The following ASCC3 variants were observed in gnomAD, a reference collection of about 807,000 sequenced individuals.
ASCC3 encodes the protein activating signal cointegrator 1 complex subunit 3, also known as ASC-1 complex subunit P200.
A neutral mutation model predicts 256.3 loss-of-function variants in ASCC3; 158 were observed. The ratio of observed to expected loss-of-function variants is 0.62; its 90% CI spans 0.54 to 0.70. The LOEUF is 0.70. Ranked by LOEUF, ASCC3 falls within the 30% of genes least tolerant of loss-of-function variation. The pLI is 0.00. For missense variants in ASCC3, 2,259 were observed against 2,626.0 expected (o/e 0.86, Z 3.05); for synonymous variants, 948 against 883.4 (o/e 1.07, Z -1.30).
intron 4 of ASCC3, among the ~76,000 whole-genome samples, chr6:100,837,538 A>G (rs1181266930): frequency 6.6e-6 from 1 of 152,138 alleles, no homozygotes; most frequent in Non-Finnish European, 1.5e-5. Context: ...ACAATGGAAT[A>G]CTATTCAGCT....
rs964982633 is a variant in ASCC3 at position 100,662,092 on chromosome 6, T to C, written c.2479-62A>G. 1.0e-5 allele frequency: 15 copies of C among 1,487,020 alleles called. No individual in the cohort carries two copies. In the African/African-American group the frequency reaches 1.8e-4, roughly 18 times the overall value. 92.1% of individuals were successfully genotyped at this position (1,487,020 alleles called of 1,614,324 possible). A position where few individuals can be genotyped will look rare whatever the true frequency, so the allele number is the denominator to read the frequency against. On this transcript the variant is annotated intron_variant, in intron 15 of 41. Coordinates refer to ENST00000369162, the MANE Select transcript of ASCC3 (RefSeq NM_006828.4). ...ACACACAAATATAATCCTGATGAACTGAATACTGAAATTAGGCAAATATGG... is the reference window on the plus strand; with the variant it reads ...ACACACAAATATAATCCTGATGAACCGAATACTGAAATTAGGCAAATATGG...
intron 16 of ASCC3, among the ~76,000 whole-genome samples, chr6:100,657,310 C>T (rs776728966): frequency 6.6e-6 from 1 of 151,232 alleles, no homozygotes; most frequent in African/African-American, 2.4e-5. Context: ...GCCTTTCCAC[C>T]AAAATAAGAG....
chr6:100,760,017 T>C (rs1471608273), intron 10 of ASCC3, among the ~76,000 whole-genome samples: 1 of 152,144 alleles, frequency 6.6e-6, no homozygotes, highest in Non-Finnish European at 1.5e-5. Context: ...TCCTGAGACT[T>C]TGCCCAAGTT....
rs138861677 is a variant in ASCC3, at chr6:100,848,474, C to T, written c.475G>A (p.Asp159Asn). 1.9e-5 allele frequency: 30 copies of T among 1,612,696 alleles called. No individual in the cohort carries two copies. In the African/African-American group the frequency reaches 2.0e-4, roughly 11 times the overall value. ...LVQMTEKEHG[D>N]RVFFGKNLAF... ...AAATTTTTACCAAAAAAAACCCTAT[C>T]GCCATGTTCTTTTTCTGTCATCTGC... Residue 159 changes from aspartate (D) to asparagine (N), a missense_variant, in exon 4 of 42, where the codon GAT becomes AAT. This residue lies in a region of ASCC3 where 420 missense variants were observed against 419.3 expected (regional missense o/e 1.00). Coordinates refer to ENST00000369162, the MANE Select transcript of ASCC3 (RefSeq NM_006828.4).
In ASCC3 at chr6:100,679,746, C is replaced by A. The variant is rs772259048; in HGVS notation, c.2158G>T (p.Val720Leu). 4.3e-6 allele frequency: 7 copies of A among 1,613,400 alleles called. No individual in the cohort carries two copies. The South Asian group carries it at 6.6e-5, about 15-fold the overall frequency. Reference sequence around the variant, plus strand: ...GTGGCATTTCGAGCATGTACAAACACCATCACCTGAAAAAAAGGAAAGCAG... The same window carrying A: ...GTGGCATTTCGAGCATGTACAAACAACATCACCTGAAAAAAAGGAAAGCAG... ...KQVKAGHQVM[V>L]FVHARNATVR... is the part of the protein sequence containing the mutation. The change falls in exon 14 of 42, where the codon GTG becomes TTG. Residue 720 changes from valine to leucine, a missense_variant. Val to Leu is a conservative substitution (Grantham distance 32, BLOSUM62 1). Around this residue, in one of 2 missense-constraint regions of ASCC3, gnomAD observed 1,839 missense variants for 2,206.7 expected, o/e 0.83. Transcript: ENST00000369162.
chr6:100,559,418 C>T (rs1287815686), intron 36 of ASCC3, among the ~76,000 whole-genome samples: 1 of 152,166 alleles, frequency 6.6e-6, no homozygotes, highest in Non-Finnish European at 1.5e-5. Flanking sequence ...TAGCGGACCA[C>T]ATTTTGCTAC....
chr6:100,701,622 C>T (rs1007210095), intron 13 of ASCC3, among the ~76,000 whole-genome samples: 5 of 152,078 alleles, frequency 3.3e-5, no homozygotes, highest in Admixed American at 6.6e-5. Context: ...AGAGACAGCC[C>T]TTGTTGTAAT....
rs138402612 is a variant in ASCC3, at chr6:100,878,147, A to G, written c.-42+2914T>C. ...TTAAGCAAGAAGCAATTGCTCCTGAATAGTTCTCAATCAAGTTAGGAAACA... is the reference window on the plus strand; with the variant it reads ...TTAAGCAAGAAGCAATTGCTCCTGAGTAGTTCTCAATCAAGTTAGGAAACA... On this transcript the variant is annotated intron_variant, in intron 1 of 41. Coordinates refer to ENST00000369162, the MANE Select transcript of ASCC3 (RefSeq NM_006828.4). Among the ~76,000 whole-genome samples the G allele has an allele frequency of 6.6e-5, 10 of 152,344 alleles. No homozygotes were observed. In the South Asian group the frequency reaches 2.1e-3, roughly 32 times the overall value.
chr6:100,845,879 C>G (rs1203151523), intron 4 of ASCC3, among the ~76,000 whole-genome samples: 1 of 152,132 alleles, frequency 6.6e-6, no homozygotes, highest in African/African-American at 2.4e-5. Flanking sequence ...TGGGAAACCA[C>G]AGGTTGAGAA....
At chr6:100,773,812 G>GA (rs1782049706) in intron 8 of ASCC3, among the ~76,000 whole-genome samples, 1 of 151,870 alleles carries the variant, frequency 6.6e-6, no homozygotes, top group African/African-American at 2.4e-5. Flanking sequence ...ATTAAATGAG[G>GA]GGAAAAGTTT....
intron 36 of ASCC3, among the ~76,000 whole-genome samples, chr6:100,549,965 T>C (rs530243881): frequency 1.3e-5 from 2 of 151,900 alleles, no homozygotes; most frequent in African/African-American, 4.8e-5. Flanking sequence ...AGTAGATCCA[T>C]GAAAACTGAT....
intron 8 of ASCC3, among the ~76,000 whole-genome samples, chr6:100,777,498 T>C (rs1690671301): frequency 6.6e-6 from 1 of 152,190 alleles, no homozygotes; most frequent in African/African-American, 2.4e-5. Flanking sequence ...ACATGTTTAC[T>C]AATTTAAAAA....
chr6:100,726,123 C>T (rs1779616067), intron 10 of ASCC3, among the ~76,000 whole-genome samples: 1 of 151,684 alleles, frequency 6.6e-6, no homozygotes, highest in Admixed American at 6.6e-5. Flanking sequence ...ATTCACTCTA[C>T]CGATAATCTA....
At chr6:100,634,088 A>G (rs774152435) in intron 25 of ASCC3, among the ~76,000 whole-genome samples, 2 of 152,130 alleles carry the variant, frequency 1.3e-5, no homozygotes, top group Non-Finnish European at 2.9e-5. Context: ...GCACTACTAT[A>G]CCATTTCTTG....
At chr6:100,624,254 T>C (rs903140618) in intron 30 of ASCC3, among the ~76,000 whole-genome samples, 13 of 151,712 alleles carry the variant, frequency 8.6e-5, no homozygotes, top group African/African-American at 2.9e-4. Flanking sequence ...AAATTTTATA[T>C]ATGTATATAT....
intron 37 of ASCC3, among the ~76,000 whole-genome samples, chr6:100,529,046 G>A (rs1268657702): frequency 1.3e-5 from 2 of 152,142 alleles, no homozygotes; most frequent in African/African-American, 4.8e-5. Flanking sequence ...TGCTATCCAG[G>A]TGGCACCATC....
chr6:100,808,961 A>T (rs1225926489), intron 4 of ASCC3, among the ~76,000 whole-genome samples: 1 of 151,970 alleles, frequency 6.6e-6, no homozygotes, highest in Non-Finnish European at 1.5e-5. Flanking sequence ...AAACACGGAC[A>T]AGATACAGTA....
Position 100,518,001 on chromosome 6 carries a change from G to A in ASCC3, c.5917C>T (p.His1973Tyr), listed in dbSNP as rs1278453632. The change falls in exon 38 of 42, where the codon CAC (histidine) becomes TAC (tyrosine). Residue 1973 changes from histidine (H) to tyrosine (Y), a missense_variant. Physicochemically the swap from His to Tyr is moderately conservative, Grantham distance 83. Around this residue, in one of 2 missense-constraint regions of ASCC3, gnomAD observed 1,839 missense variants for 2,206.7 expected, o/e 0.83. Transcript: ENST00000369162. Reference sequence around the variant, plus strand: ...AAGTAAAACAATTACTTGAAAAGGTGAAGATGATGGTTTTCTATGTTTGGT... The same window carrying A: ...AAGTAAAACAATTACTTGAAAAGGTAAAGATGATGGTTTTCTATGTTTGGT... ...TLPNIENHHLHLFKKWKPIMK... is the reference protein window; with the variant it reads ...TLPNIENHHLYLFKKWKPIMK... 1 of 1,613,286 alleles carries A rather than the reference G, an allele frequency of 6.2e-7. No homozygotes were observed. The highest frequency in any genetic ancestry group is 1.1e-5 in the South Asian group (1 of 91,044).
At chr6:100,699,116 A>C (rs1226985816) in intron 13 of ASCC3, among the ~76,000 whole-genome samples, 1 of 152,048 alleles carries the variant, frequency 6.6e-6, no homozygotes, top group Non-Finnish European at 1.5e-5. Context: ...GTGAAAGTAC[A>C]CTCTATAATG....
Sources: allele counts gnomAD v4.1 joint callset (sites outside exome capture counted in the v4.1 genomes callset), GRCh38; gene constraint gnomAD v4.1.1; regional missense constraint gnomAD v4.1.1; transcripts MANE v1.5; gene names NCBI Gene and HGNC (gene_info 2026-07-23, HGNC 2026-07-21).